The following NKAIN3 variants were observed in gnomAD, a reference collection of about 807,000 sequenced individuals.
NKAIN3 encodes sodium/potassium-transporting ATPase subunit beta-1-interacting protein 3.
NKAIN3 carries 25 observed loss-of-function variants against 30.2 expected under a neutral mutation model. The ratio of observed to expected loss-of-function variants is 0.83; its 90% CI spans 0.60 to 1.16. The LOEUF is 1.16. Among genes scored for constraint, NKAIN3 ranks in the 50% most tolerant of loss-of-function variants. NKAIN3 has a pLI of 0.00. For synonymous variants in NKAIN3, 91 were observed against 89.6 expected (o/e 1.02, Z -0.09); for missense variants, 225 against 254.1 (o/e 0.89, Z 0.78).
At chr8:62,989,508 A>T (rs903911165), downstream of NKAIN3, among the ~76,000 whole-genome samples, 1 of 152,110 alleles carries the variant, frequency 6.6e-6, no homozygotes, top group Non-Finnish European at 1.5e-5. Context: ...CTTATTCACT[A>T]TCACAAGATC....
chr8:62,610,222 G>A (rs1201820849), intron 3 of NKAIN3, among the ~76,000 whole-genome samples: 6 of 151,966 alleles, frequency 3.9e-5, no homozygotes, highest in Admixed American at 6.6e-5. Context: ...GCACATGCCT[G>A]TAATCCCAGC....
At chr8:62,525,537 G>A (rs1808277980) in intron 1 of NKAIN3, among the ~76,000 whole-genome samples, 1 of 152,064 alleles carries the variant, frequency 6.6e-6, no homozygotes, top group Admixed American at 6.6e-5. Flanking sequence ...AAGGATAATG[G>A]CCTCCAGCTC....
chr8:62,869,208 A>G (rs915049447), intron 4 of NKAIN3, among the ~76,000 whole-genome samples: 1 of 152,172 alleles, frequency 6.6e-6, no homozygotes, highest in Non-Finnish European at 1.5e-5. Context: ...GGTTTGTTAT[A>G]TAGGTATGCA....
chr8:62,998,427 C>T (rs1804177672), intron 5 of NKAIN3, among the ~76,000 whole-genome samples: 1 of 152,090 alleles, frequency 6.6e-6, no homozygotes, highest in East Asian at 1.9e-4. Flanking sequence ...AGGCATTCAC[C>T]ACCACACCAG....
chr8:62,949,315 G>T (rs549742986), intron 5 of NKAIN3, among the ~76,000 whole-genome samples: 52 of 152,252 alleles, frequency 3.4e-4, no homozygotes, highest in Non-Finnish European at 5.1e-4. Context: ...AACTTCATTT[G>T]TGTGTCCCAT....
chr8:62,854,193 G>C (rs148980398), intron 4 of NKAIN3, among the ~76,000 whole-genome samples: 2 of 152,284 alleles, frequency 1.3e-5, no homozygotes, highest in East Asian at 3.9e-4. Context: ...GGGGTGGAGA[G>C]TTCTGTAGTT....
At chr8:62,796,407 A>C (rs1187125026) in intron 4 of NKAIN3, among the ~76,000 whole-genome samples, 2 of 150,486 alleles carry the variant, frequency 1.3e-5, no homozygotes, top group African/African-American at 4.9e-5. Flanking sequence ...AAAAAAAAAA[A>C]AAAAAGTCAG....
chr8:62,350,239 A>G (rs1816138043), intron 1 of NKAIN3, among the ~76,000 whole-genome samples: 1 of 152,228 alleles, frequency 6.6e-6, no homozygotes, highest in Non-Finnish European at 1.5e-5. Context: ...AGACAAATGG[A>G]TCAACAAAAT....
intron 1 of NKAIN3, among the ~76,000 whole-genome samples, chr8:62,419,352 C>T (rs146588162): frequency 1.3e-5 from 2 of 152,238 alleles, no homozygotes; most frequent in East Asian, 3.9e-4. Flanking sequence ...TGTGCAATAT[C>T]ACATTGATAG....
intron 4 of NKAIN3, among the ~76,000 whole-genome samples, chr8:62,765,199 A>G (rs1816792759): frequency 1.4e-5 from 2 of 142,014 alleles, no homozygotes; most frequent in South Asian, 4.5e-4. Context: ...GTGAGCTGAG[A>G]TCATGCCATT....
At chr8:62,829,742 TGATAGATA>T (rs57301851) in intron 4 of NKAIN3, among the ~76,000 whole-genome samples, 2,435 of 150,368 alleles carry the variant, frequency 0.016, 55 homozygotes, top group African/African-American at 0.05. Context: ...GATAGATAGA[TGATAGATA>T]GATAGATAGA....
intron 3 of NKAIN3, among the ~76,000 whole-genome samples, chr8:62,711,897 G>T (rs1814733891): frequency 6.6e-6 from 1 of 152,216 alleles, no homozygotes; most frequent in Non-Finnish European, 1.5e-5. Context: ...AGGGCTGAAG[G>T]CTGTTGTTCA....
intron 1 of NKAIN3, among the ~76,000 whole-genome samples, chr8:62,490,580 C>T (rs1807035124): frequency 1.3e-5 from 2 of 152,080 alleles, no homozygotes; most frequent in Non-Finnish European, 2.9e-5. Flanking sequence ...GAGAGGAAAG[C>T]TATGGGAAAT....
At chr8:62,485,710 G>T (rs968469307) in intron 1 of NKAIN3, among the ~76,000 whole-genome samples, 3 of 152,200 alleles carry the variant, frequency 2.0e-5, no homozygotes, top group African/African-American at 7.2e-5. Context: ...CAGGTAAGAG[G>T]CTGTAGTTTT....
intron 4 of NKAIN3, among the ~76,000 whole-genome samples, chr8:62,869,482 TAGA>T (rs987505973): frequency 6.6e-6 from 1 of 152,210 alleles, no homozygotes. Context: ...GATGAAATAT[TAGA>T]AGAAAAGAAA....
At chr8:62,821,002 C>T (rs1818832086) in intron 4 of NKAIN3, among the ~76,000 whole-genome samples, 1 of 152,048 alleles carries the variant, frequency 6.6e-6, no homozygotes, top group African/African-American at 2.4e-5. Context: ...TTAATTAATG[C>T]TGATTGCATT....
At chr8:62,853,847 T>C (rs1819984358) in intron 4 of NKAIN3, among the ~76,000 whole-genome samples, 1 of 152,186 alleles carries the variant, frequency 6.6e-6, no homozygotes, top group Non-Finnish European at 1.5e-5. Flanking sequence ...GTGCTGTAGA[T>C]TTCTCTCTTG....
At chr8:62,596,636 G>A (rs921464964) in intron 3 of NKAIN3, among the ~76,000 whole-genome samples, 1 of 152,014 alleles carries the variant, frequency 6.6e-6, no homozygotes, top group African/African-American at 2.4e-5. Context: ...TCTGCCAGCT[G>A]AGCACTAGTT....
intron 3 of NKAIN3, among the ~76,000 whole-genome samples, chr8:62,728,717 G>A (rs1394977795): frequency 6.6e-6 from 1 of 151,538 alleles, no homozygotes; most frequent in Non-Finnish European, 1.5e-5. Flanking sequence ...CTGGCCGGGC[G>A]CAGTGGCTCA....
Sources: gnomAD v4.1 joint callset for allele counts (sites outside exome capture counted in the v4.1 genomes callset) on GRCh38, gnomAD v4.1.1 for gene constraint, MANE v1.5 for transcripts, NCBI Gene and HGNC (gene_info 2026-07-23, HGNC 2026-07-21) for gene names.